Variants in FREM1 observed in about 807,000 individuals in gnomAD.
FREM1 encodes FRAS1 related extracellular matrix 1, also known as FRAS1-related extracellular matrix protein 1.
A neutral mutation model predicts 210.1 loss-of-function variants in FREM1; 220 were observed. The ratio of observed to expected loss-of-function variants is 1.05; its 90% CI spans 0.94 to 1.17. The LOEUF (loss-of-function observed/expected upper bound fraction) is 1.17. Ranked by LOEUF, FREM1 falls within the 50% of genes most tolerant of loss-of-function variation. The probability of loss-of-function intolerance (pLI) is 0.00; values close to 1 mark genes in which losing one functional copy is unlikely to be tolerated. For synonymous variants in FREM1, 1,189 were observed against 980.2 expected (o/e 1.21, Z -3.98); for missense variants, 3,454 against 2,675.5 (o/e 1.29, Z -6.42).
At chr9:14,820,949 A>G (rs1048945262) in intron 13 of FREM1, among the ~76,000 whole-genome samples, 7 of 152,214 alleles carry the variant, frequency 4.6e-5, no homozygotes, top group South Asian at 2.1e-4. Context: ...TCAATTTCCA[A>G]TGTTTCAAGG....
intron 1 of FREM1, among the ~76,000 whole-genome samples, chr9:14,869,882 C>A (rs769210398): frequency 3.3e-5 from 5 of 152,176 alleles, no homozygotes; most frequent in Non-Finnish European, 7.4e-5. Flanking sequence ...AGCTTCAGCA[C>A]GCACAGCTAA....
chr9:14,754,242 GCACATCATCTCA>G (rs1843875114), intron 29 of FREM1, among the ~76,000 whole-genome samples: 1 of 152,158 alleles, frequency 6.6e-6, no homozygotes, highest in South Asian at 2.1e-4. Flanking sequence ...GGGACATGGC[GCACATCATCTCA>G]CCCTTTCATT....
rs1564099062 is a variant in FREM1 at position 14,860,573 on chromosome 9, A to ATGTG, written c.330-1090_330-1089insCACA. Reference sequence around the variant, plus strand: ...TATATATACACACATATATATACACATATATATACACATATATATACATAT... The same window carrying ATGTG: ...TATATATACACACATATATATACACATGTGTATATATACACATATATATACATAT... On this transcript the variant is annotated intron_variant, in intron 3 of 36. Transcript: ENST00000380880. 6.9e-3 allele frequency among the ~76,000 whole-genome samples: 737 copies of ATGTG among 107,330 alleles called. 50 individuals carry two copies. Among genetic ancestry groups the ATGTG allele is most frequent in the African/African-American group, 0.028 (661 of 23,676 alleles). 70.4% of individuals were successfully genotyped at this position (107,330 alleles called of 152,430 possible). A position where few individuals can be genotyped will look rare whatever the true frequency, so the allele number is the denominator to read the frequency against.
chr9:14,822,872 G>A (rs989156504), intron 13 of FREM1, among the ~76,000 whole-genome samples: 9 of 152,134 alleles, frequency 5.9e-5, no homozygotes, highest in Non-Finnish European at 7.4e-5. Context: ...TGATCAACAC[G>A]TGAAACTCAG....
chr9:14,792,267 C>T lies in FREM1; in HGVS notation c.3981+476G>A, dbSNP rs987125521. On this transcript the variant is annotated intron_variant, in intron 22 of 36. Coordinates refer to ENST00000380880, the MANE Select transcript of FREM1 (RefSeq NM_001379081.2). ...TAGCTGAAATACACACACCCACACA[C>T]ACACGCACACACACACACACACACA... Among the ~76,000 whole-genome samples, 5 of 102,174 alleles carry T rather than the reference C, an allele frequency of 4.9e-5. No individual in the cohort carries two copies. The East Asian group carries it at 1.3e-3, about 27-fold the overall frequency. The allele number at this position is 102,174 out of a possible 152,430, so 67.0% of individuals were successfully genotyped here.
At chr9:14,819,608 AT>A (rs527951245) in intron 13 of FREM1, among the ~76,000 whole-genome samples, 166 bp from the exon 14 acceptor site, 7 of 152,028 alleles carry the variant, frequency 4.6e-5, no homozygotes, top group South Asian at 4.2e-4. Context: ...TGACTGAAAA[AT>A]TTTTTTTTAC....
intron 15 of FREM1, among the ~76,000 whole-genome samples, chr9:14,815,166 A>G (rs964544483): frequency 7.9e-5 from 12 of 152,186 alleles, no homozygotes; most frequent in African/African-American, 2.4e-4. Context: ...CAGTATGATC[A>G]TTATAATCAC....
chr9:14,891,641 G>A (rs766434356), intron 1 of FREM1, among the ~76,000 whole-genome samples: 2 of 152,176 alleles, frequency 1.3e-5, no homozygotes, highest in Admixed American at 1.3e-4. Context: ...AAATAGGAAG[G>A]CAGCATTTGA....
intron 1 of FREM1, among the ~76,000 whole-genome samples, chr9:14,903,925 T>C (rs966675693): frequency 2.0e-5 from 3 of 151,840 alleles, no homozygotes; most frequent in Non-Finnish European, 2.9e-5. Context: ...ATCAAGACCA[T>C]CCTGGCTAAC....
At chr9:14,857,310 C>G (rs1038173817) in intron 5 of FREM1, among the ~76,000 whole-genome samples, 2 of 152,112 alleles carry the variant, frequency 1.3e-5, no homozygotes, top group Non-Finnish European at 2.9e-5. Context: ...CAGTCCTTCC[C>G]AAGTTGCTGT....
At chr9:14,845,487 T>C (rs1006694598) in intron 8 of FREM1, among the ~76,000 whole-genome samples, 7 of 152,132 alleles carry the variant, frequency 4.6e-5, no homozygotes, top group Non-Finnish European at 1.0e-4. Context: ...GTATTTTCAG[T>C]AGAGACGGAG....
At position 14,797,496 on chromosome 9, in the gene FREM1, A is replaced by T. The variant is rs564598138; in HGVS notation, c.3839+2T>A. On this transcript the variant is annotated splice_donor_variant, in intron 21 of 36. Transcript: ENST00000380880. LOFTEE classifies it high-confidence loss of function. ...GAAAGGGACTCTTTTCAGGTAGCTTACTTGCTCAGCATTGGTTTTTCATCA... is the reference window on the plus strand; with the variant it reads ...GAAAGGGACTCTTTTCAGGTAGCTTTCTTGCTCAGCATTGGTTTTTCATCA... 1 of 1,604,162 alleles carries T rather than the reference A, an allele frequency of 6.2e-7. No individual in the cohort carries two copies. The highest frequency in any genetic ancestry group is 1.7e-4 in the Middle Eastern group (1 of 6,014).
intron 2 of FREM1, 149 bp downstream of exon 2, chr9:14,868,595 G>T: frequency 1.6e-6 from 1 of 620,800 alleles, no homozygotes; most frequent in Non-Finnish European, 2.9e-6. Flanking sequence ...CTAATTGCAA[G>T]TCCACCATTT....
intron 1 of FREM1, among the ~76,000 whole-genome samples, chr9:14,907,475 T>C (rs919492785): frequency 1.3e-5 from 2 of 152,172 alleles, no homozygotes; most frequent in African/African-American, 2.4e-5. Flanking sequence ...AAGCTGTGCA[T>C]GTGTGGAAGC....
At position 14,740,179 on chromosome 9, in the gene FREM1, C is replaced by T; in HGVS notation, c.6310G>A (p.Asp2104Asn). 6.2e-7 allele frequency: 1 copy of T among 1,613,242 alleles called. No individual in the cohort carries two copies. Among genetic ancestry groups the T allele is most frequent in the South Asian group, 1.1e-5 (1 of 90,950 alleles). Residue 2104 changes from aspartate (D) to asparagine (N), a missense_variant, in exon 36 of 37, where the codon GAC (aspartate) becomes AAC (asparagine). Coordinates refer to ENST00000380880, the MANE Select transcript of FREM1 (RefSeq NM_001379081.2). ...CAAAAGGACTTTCTCCCACCAATGT[C>T]CCAGAGCCACCGCATGTGCTGCCTG... ...FSRQHMRWLW[D>N]IGGRKSFWIG...
chr9:14,790,020 C>T (rs1478441181), intron 22 of FREM1, among the ~76,000 whole-genome samples: 1 of 152,122 alleles, frequency 6.6e-6, no homozygotes, highest in East Asian at 1.9e-4. Flanking sequence ...TTTACTGTCT[C>T]ATTTAAGAGT....
At chr9:14,768,959 GAACA>G (rs763355849) in intron 27 of FREM1, among the ~76,000 whole-genome samples, 7 of 151,842 alleles carry the variant, frequency 4.6e-5, no homozygotes, top group African/African-American at 1.2e-4. Flanking sequence ...CAAACAAAAT[GAACA>G]AACAAACAAA....
At chr9:14,809,984 C>T (rs1179997405) in intron 16 of FREM1, among the ~76,000 whole-genome samples, 5 of 151,928 alleles carry the variant, frequency 3.3e-5, no homozygotes, top group African/African-American at 9.7e-5. Context: ...TTATGTATTC[C>T]GGCCTGATCG....
chr9:14,848,625 T>G (rs1827109063), intron 7 of FREM1, 40 bp downstream of exon 7: 1 of 1,219,624 alleles, frequency 8.2e-7, no homozygotes, highest in Non-Finnish European at 1.2e-6. Flanking sequence ...TTGTATTCCC[T>G]TCAGGGCTAT....
Sources: gnomAD v4.1 joint callset for allele counts (sites outside exome capture counted in the v4.1 genomes callset) on GRCh38, gnomAD v4.1.1 for gene constraint, MANE v1.5 for transcripts, NCBI Gene and HGNC (gene_info 2026-07-23, HGNC 2026-07-21) for gene names.